CACNA2D1: variants seen among roughly 807,000 people sequenced by gnomAD.
The protein encoded by CACNA2D1 is calcium voltage-gated channel auxiliary subunit alpha2delta 1, also known as voltage-dependent calcium channel subunit alpha-2/delta-1.
Under a neutral mutation model 171.5 loss-of-function variants are expected in CACNA2D1, and 53 were observed. The observed-to-expected ratio is 0.31, with a 90% CI of 0.25 to 0.39. The LOEUF (loss-of-function observed/expected upper bound fraction) is 0.39, where lower values mean the gene tolerates loss of function less well. Among genes scored for constraint, CACNA2D1 ranks in the 10% least tolerant of loss-of-function variants. The pLI, the probability that CACNA2D1 is intolerant of heterozygous loss-of-function variation, is 1.00. For synonymous variants in CACNA2D1, 442 were observed against 443.1 expected, an observed-to-expected ratio of 1.00 and a Z score of 0.03; for missense variants, 903 against 1,299.8, an observed-to-expected ratio of 0.69 and a Z score of 4.69.
chr7:82,422,186 AATAATTAATATCTTACT>A (rs1828776640), intron 1 of CACNA2D1, among the ~76,000 whole-genome samples: 1 of 152,164 alleles, frequency 6.6e-6, no homozygotes, highest in Non-Finnish European at 1.5e-5. Flanking sequence ...AAAATGTAAT[AATAATTAATATCTTACT>A]GCAATAATTA....
chr7:82,132,510 G>A (rs1479936018), intron 5 of CACNA2D1, among the ~76,000 whole-genome samples: 1 of 152,176 alleles, frequency 6.6e-6, no homozygotes, highest in Non-Finnish European at 1.5e-5. Context: ...CAAACTCTGA[G>A]ACATGCCCCT....
intron 4 of CACNA2D1, among the ~76,000 whole-genome samples, chr7:82,146,311 C>G (rs909534035): frequency 5.9e-5 from 8 of 134,640 alleles, no homozygotes. Flanking sequence ...TATATATATA[C>G]GTGTGTGTGT....
chr7:82,215,837 T>C (rs1441957578), intron 3 of CACNA2D1, among the ~76,000 whole-genome samples: 2 of 152,202 alleles, frequency 1.3e-5, no homozygotes, highest in Non-Finnish European at 2.9e-5. Flanking sequence ...AGAATGTTTT[T>C]CAAATTAGTT....
chr7:82,417,929 A>G (rs554584361), intron 1 of CACNA2D1, among the ~76,000 whole-genome samples: 4 of 152,354 alleles, frequency 2.6e-5, no homozygotes, highest in African/African-American at 9.6e-5. Flanking sequence ...AGAGGACAAT[A>G]TTAAAAGGAG....
chr7:82,198,579 A>T (rs1342800974), intron 3 of CACNA2D1, among the ~76,000 whole-genome samples: 2 of 151,938 alleles, frequency 1.3e-5, no homozygotes, highest in Non-Finnish European at 2.9e-5. Flanking sequence ...CTTTTAATGG[A>T]CCTAGGTTGC....
intron 5 of CACNA2D1, among the ~76,000 whole-genome samples, chr7:82,127,526 T>C (rs1167459344): frequency 2.0e-5 from 3 of 152,172 alleles, no homozygotes. Context: ...CTACCTCAAA[T>C]CACTAAAACT....
intron 4 of CACNA2D1, among the ~76,000 whole-genome samples, chr7:82,154,893 C>A (rs7803487): frequency 0.58 from 88,367 of 151,910 alleles, 27,492 homozygotes; most frequent in Non-Finnish European, 0.7. Flanking sequence ...CCCAAGTCTC[C>A]TGTCAAATTG....
At chr7:82,030,459 G>A (rs1209159600) in intron 12 of CACNA2D1, among the ~76,000 whole-genome samples, 3 of 150,286 alleles carry the variant, frequency 2.0e-5, no homozygotes, top group Non-Finnish European at 3.0e-5. Flanking sequence ...AAAGCAACTT[G>A]TTCTTATTTA....
At chr7:82,183,544 T>A (rs970591779) in intron 3 of CACNA2D1, among the ~76,000 whole-genome samples, 3 of 152,180 alleles carry the variant, frequency 2.0e-5, no homozygotes, top group African/African-American at 7.2e-5. Flanking sequence ...GGAGAGTTTT[T>A]AAAATTTCTC....
chr7:82,151,395 T>C (rs1793840174), intron 4 of CACNA2D1, among the ~76,000 whole-genome samples: 1 of 152,126 alleles, frequency 6.6e-6, no homozygotes, highest in Non-Finnish European at 1.5e-5. Flanking sequence ...GCAATACAGA[T>C]GCACTGAATG....
intron 10 of CACNA2D1, among the ~76,000 whole-genome samples, chr7:82,041,719 G>A (rs17155782): frequency 0.13 from 20,351 of 151,984 alleles, 1,897 homozygotes; most frequent in African/African-American, 0.27. Context: ...CTATTCTTTG[G>A]TTATTGGATG....
intron 6 of CACNA2D1, among the ~76,000 whole-genome samples, chr7:82,114,482 C>T (rs558395977): frequency 9.5e-4 from 144 of 152,276 alleles, no homozygotes; most frequent in African/African-American, 2.9e-3. Flanking sequence ...TGGGGGCTCA[C>T]GCCTTTAATC....
intron 3 of CACNA2D1, among the ~76,000 whole-genome samples, chr7:82,196,761 G>A (rs570056644): frequency 2.0e-5 from 3 of 151,646 alleles, no homozygotes; most frequent in East Asian, 1.9e-4. Context: ...AGATAAAGAC[G>A]ATTCAGGATG....
intron 4 of CACNA2D1, among the ~76,000 whole-genome samples, chr7:82,160,404 T>C (rs1388305181): frequency 7.2e-5 from 11 of 152,056 alleles, no homozygotes; most frequent in African/African-American, 2.4e-4. Context: ...GTATTGCTGA[T>C]AAAATTTAAT....
intron 10 of CACNA2D1, among the ~76,000 whole-genome samples, chr7:82,060,077 C>T (rs1340738671): frequency 5.8e-5 from 6 of 103,740 alleles, no homozygotes; most frequent in African/African-American, 1.8e-4. Context: ...AGCACAGCAA[C>T]ATGGCACATG....
intron 5 of CACNA2D1, among the ~76,000 whole-genome samples, chr7:82,120,874 C>CAAAAAAAAAAA (rs749679830): frequency 9.6e-6 from 1 of 104,608 alleles, no homozygotes; most frequent in African/African-American, 3.6e-5. Context: ...GACTCTATCT[C>CAAAAAAAAAAA]AAAAAAAAAA....
chr7:82,306,583 C>A (rs1165309648), intron 3 of CACNA2D1, among the ~76,000 whole-genome samples: 1 of 152,172 alleles, frequency 6.6e-6, no homozygotes, highest in Non-Finnish European at 1.5e-5. Flanking sequence ...AGACTGGAGA[C>A]ATCGTATGCA....
chr7:82,367,601 C>G (rs1325814053), intron 1 of CACNA2D1, among the ~76,000 whole-genome samples: 2 of 151,948 alleles, frequency 1.3e-5, no homozygotes, highest in African/African-American at 4.8e-5. Context: ...GTAAACAGCC[C>G]AAGAGAAAGT....
At chr7:82,409,718 T>C (rs1201872497) in intron 1 of CACNA2D1, among the ~76,000 whole-genome samples, 3 of 152,212 alleles carry the variant, frequency 2.0e-5, no homozygotes, top group Non-Finnish European at 4.4e-5. Context: ...GAGAAAATCA[T>C]TGCCTAAGGT....
Sources: allele counts gnomAD v4.1 joint callset (sites outside exome capture counted in the v4.1 genomes callset), GRCh38; gene constraint gnomAD v4.1.1; transcripts MANE v1.5; gene names NCBI Gene and HGNC (gene_info 2026-07-23, HGNC 2026-07-21).